The following DYNC1H1 variants were observed in gnomAD, a reference collection of about 807,000 sequenced individuals.
DYNC1H1 encodes the protein cytoplasmic dynein 1 heavy chain 1.
DYNC1H1 carries 51 observed loss-of-function variants against 527.1 expected under a neutral mutation model. The observed-to-expected ratio is 0.10, with a 90% CI of 0.08 to 0.12. The LOEUF is 0.12. Ranked by LOEUF, DYNC1H1 falls within the 10% of genes least tolerant of loss-of-function variation. The pLI is 1.00. For synonymous variants in DYNC1H1, 2,189 were observed against 2,278.8 expected, an observed-to-expected ratio of 0.96 and a Z score of 1.12; for missense variants, 2,771 against 5,971.8, an observed-to-expected ratio of 0.46 and a Z score of 17.66.
rs568024941 is a variant in DYNC1H1, at chr14:102,000,315, A to G, written c.3990A>G (p.Lys1330=). ...CCTTAGAAGAATTACAGGACCTCAA[A>G]GGCGTTTGGTCAGAACTTTCTAAGG... ...QVALEELQDL[K]GVWSELSKVW... is the part of the protein sequence containing the mutation. The change falls in exon 18 of 78, where the codon AAA becomes AAG. Residue 1330 remains lysine, a synonymous_variant. Coordinates refer to ENST00000360184, the MANE Select transcript of DYNC1H1 (RefSeq NM_001376.5). The G allele has an allele frequency of 1.2e-5, 20 of 1,614,178 alleles. No individual in the cohort carries two copies. The South Asian group carries it at 2.1e-4, about 17-fold the overall frequency.
intron 69 of DYNC1H1, 128 bp from the exon 70 acceptor site, chr14:102,043,747 T>G (rs972867455): frequency 7.6e-7 from 1 of 1,309,948 alleles, no homozygotes; most frequent in Non-Finnish European, 1.1e-6. Flanking sequence ...GCAGTACTCA[T>G]GTGAATCTGC....
chr14:101,978,536 T>A (rs574499718), intron 2 of DYNC1H1, among the ~76,000 whole-genome samples: 1 of 152,346 alleles, frequency 6.6e-6, no homozygotes, highest in Admixed American at 6.5e-5. Flanking sequence ...ATTAATTACC[T>A]TGAAGGCATT....
chr14:102,027,332 G>T lies in DYNC1H1; in HGVS notation c.8886+44G>T. On this transcript the variant is annotated intron_variant, in intron 45 of 77. Transcript: ENST00000360184. The surrounding 1 kb of genome is among the most constrained non-coding windows in gnomAD (Gnocchi z 7.7). ...CTCTTAATCCCAGCAACAGATGTGTGTGCAGAGCTCAGTGAGTAGGAATGG... is the reference window on the plus strand; with the variant it reads ...CTCTTAATCCCAGCAACAGATGTGTTTGCAGAGCTCAGTGAGTAGGAATGG... The T allele has an allele frequency of 6.2e-7, 1 of 1,614,142 alleles. No individual in the cohort carries two copies. Among genetic ancestry groups the T allele is most frequent in the African/African-American group, 1.3e-5 (1 of 75,024 alleles).
At position 102,011,457 on chromosome 14, in the gene DYNC1H1, G is replaced by A. The variant is rs561511236; in HGVS notation, c.6619-418G>A. 5 of 346,032 alleles carry A rather than the reference G, an allele frequency of 1.4e-5. No homozygotes were observed. Among genetic ancestry groups the A allele is most frequent in the Admixed American group, 4.2e-5 (1 of 23,846 alleles). 21.4% of individuals were successfully genotyped at this position (346,032 alleles called of 1,614,324 possible). A position where few individuals can be genotyped will look rare whatever the true frequency, so the allele number is the denominator to read the frequency against. On this transcript the variant is annotated intron_variant, in intron 32 of 77. Transcript: ENST00000360184. This position sits in a 1 kb window ranked among gnomAD's most constrained non-coding sequence, Gnocchi z 5.3. ...TGTTGTCCTCGGCGGGATCTGATGT[G>A]TCCTTGTTGAGGCTGCTCATTGGTG...
intron 5 of DYNC1H1, among the ~76,000 whole-genome samples, chr14:101,982,465 G>A (rs868204075): frequency 2.0e-5 from 3 of 152,058 alleles, no homozygotes; most frequent in Non-Finnish European, 2.9e-5. Context: ...GGTGGCAGGC[G>A]CCTGTAGTCC....
rs1180426212 is a variant in DYNC1H1 at position 102,044,144 on chromosome 14, G to A, written c.12684+99G>A. 6.3e-7 allele frequency: 1 copy of A among 1,586,768 alleles called. No individual in the cohort carries two copies. The highest frequency in any genetic ancestry group is 1.1e-5 in the South Asian group (1 of 88,944). The stretch of plus-strand genomic sequence containing the variant: ...GGCCAGACTCTGCGTGGAAGAGCGA[G>A]CTGACCCCTCGTGACCGCCAAAGCC... On this transcript the variant is annotated intron_variant, in intron 70 of 77. Coordinates refer to ENST00000360184, the MANE Select transcript of DYNC1H1 (RefSeq NM_001376.5). The surrounding 1 kb of genome is among the most constrained non-coding windows in gnomAD (Gnocchi z 7.1).
intron 1 of DYNC1H1, among the ~76,000 whole-genome samples, chr14:101,968,542 T>G (rs2047694112): frequency 6.6e-6 from 1 of 152,070 alleles, no homozygotes; most frequent in African/African-American, 2.4e-5. Context: ...CGTGTTTGTT[T>G]GTTTAACACT....
rs779578539 is a variant in DYNC1H1, at chr14:101,997,213, G to A, written c.3743G>A (p.Arg1248Gln). The A allele has an allele frequency of 1.9e-6, 3 of 1,613,942 alleles. No individual in the cohort carries two copies. Among genetic ancestry groups the A allele is most frequent in the East Asian group, 2.2e-5 (1 of 44,860 alleles). The change falls in exon 16 of 78, where the codon CGG becomes CAG. Residue 1248 changes from arginine (R) to glutamine (Q), a missense_variant. Around this residue, in one of 32 missense-constraint regions of DYNC1H1, gnomAD observed 223 missense variants for 462.5 expected, o/e 0.48. Coordinates refer to ENST00000360184, the MANE Select transcript of DYNC1H1 (RefSeq NM_001376.5). The surrounding 1 kb of genome is among the most constrained non-coding windows in gnomAD (Gnocchi z 4.8). ...NLQMKIVQEDRAVESRTTDLL... is the reference protein window; with the variant it reads ...NLQMKIVQEDQAVESRTTDLL... ...CAAATGAAGATTGTCCAGGAGGATC[G>A]GGCCGTGGAAAGCCGCACCACCGAC...
rs1167512575 is a variant in DYNC1H1, at chr14:102,020,059, A to G, written c.8507+3A>G. 3.1e-6 allele frequency: 5 copies of G among 1,613,982 alleles called. No individual in the cohort carries two copies. In the African/African-American group the frequency reaches 5.3e-5, roughly 17 times the overall value. Reference sequence around the variant, plus strand: ...GCTCTGCGTCTCTTCCAAGATAGGTAAGGGAAGCCGAGGATCCAGTTGGTC... The same window carrying G: ...GCTCTGCGTCTCTTCCAAGATAGGTGAGGGAAGCCGAGGATCCAGTTGGTC... On this transcript the variant is annotated splice_donor_region_variant and intron_variant, in intron 42 of 77. Transcript: ENST00000360184. The surrounding 1 kb of genome is among the most constrained non-coding windows in gnomAD (Gnocchi z 4.3).
chr14:102,016,676 C>T lies in DYNC1H1; in HGVS notation c.7615-90C>T. 1 of 1,547,902 alleles carries T rather than the reference C, an allele frequency of 6.5e-7. No individual in the cohort carries two copies. Among genetic ancestry groups the T allele is most frequent in the Non-Finnish European group, 8.8e-7 (1 of 1,136,428 alleles). ...TAACCTGACCAATTACTTCCTTGTT[C>T]TGAAAGTTCAAGTTTGTGTTCAGGT... On this transcript the variant is annotated intron_variant, in intron 37 of 77. Coordinates refer to ENST00000360184, the MANE Select transcript of DYNC1H1 (RefSeq NM_001376.5). This position sits in a 1 kb window ranked among gnomAD's most constrained non-coding sequence, Gnocchi z 7.3.
intron 2 of DYNC1H1, among the ~76,000 whole-genome samples, chr14:101,977,715 G>A (rs1330058942): frequency 1.3e-5 from 2 of 152,156 alleles, no homozygotes; most frequent in East Asian, 3.9e-4. Flanking sequence ...TACCTTTTGT[G>A]ACACTGACTT....
rs370426843 is a variant in DYNC1H1, at chr14:102,041,971, A to G, written c.12103-42A>G. 8.7e-6 allele frequency: 14 copies of G among 1,601,320 alleles called. No homozygotes were observed. Among genetic ancestry groups the G allele is most frequent in the Non-Finnish European group, 1.1e-5 (13 of 1,168,860 alleles). ...TCCTTTCCCTTGACAGGTACACACTATTTGCTGGCACTGTAATAACTTCTG... is the reference window on the plus strand; with the variant it reads ...TCCTTTCCCTTGACAGGTACACACTGTTTGCTGGCACTGTAATAACTTCTG... On this transcript the variant is annotated intron_variant, in intron 65 of 77. Transcript: ENST00000360184. This position sits in a 1 kb window ranked among gnomAD's most constrained non-coding sequence, Gnocchi z 4.5.
Position 102,039,591 on chromosome 14 carries a change from G to A in DYNC1H1, c.11595+45G>A. ...CGCTCCCTGGCGGGGGGGAAGCAGG[G>A]TGCTGCTTCTCTTATGGAACAACAT... is the stretch of plus-strand genomic sequence containing the variant. On this transcript the variant is annotated intron_variant, in intron 61 of 77. Coordinates refer to ENST00000360184, the MANE Select transcript of DYNC1H1 (RefSeq NM_001376.5). The surrounding 1 kb of genome is among the most constrained non-coding windows in gnomAD (Gnocchi z 7.0). 1 of 1,614,206 alleles carries A rather than the reference G, an allele frequency of 6.2e-7. No homozygotes were observed. Among genetic ancestry groups the A allele is most frequent in the Non-Finnish European group, 8.5e-7 (1 of 1,180,024 alleles).
rs2047646618 is a variant in DYNC1H1 at position 101,964,887 on chromosome 14, C to T, written c.196C>T (p.Arg66Cys). The T allele has an allele frequency of 1.9e-6, 3 of 1,600,066 alleles. No homozygotes were observed. The highest frequency in any genetic ancestry group is 2.6e-6 in the Non-Finnish European group (3 of 1,174,448). Reference protein sequence around the residue: ...LEEKSALEQMRKFLSDPQVHT... With the variant: ...LEEKSALEQMCKFLSDPQVHT... ...GGAGAAGAGCGCCCTGGAGCAGATG[C>T]GCAAGTTCCTTTCGGACCCGCAGGT... The change falls in exon 1 of 78, where the codon CGC (arginine) becomes TGC (cysteine). Residue 66 changes from arginine to cysteine, a missense_variant. Around this residue, in one of 32 missense-constraint regions of DYNC1H1, gnomAD observed 101 missense variants for 105.3 expected, o/e 0.96. Transcript: ENST00000360184. This position sits in a 1 kb window ranked among gnomAD's most constrained non-coding sequence, Gnocchi z 5.5.
chr14:102,034,977 TC>T (rs546782242), intron 56 of DYNC1H1: 148 of 207,546 alleles, frequency 7.1e-4, no homozygotes, highest in African/African-American at 3.1e-3. Flanking sequence ...ACACCTGTAA[TC>T]CCAGCACTTT....
intron 34 of DYNC1H1, 113 bp from the exon 35 acceptor site, chr14:102,014,992 A>G (rs2152581398): frequency 8.0e-7 from 1 of 1,253,516 alleles, no homozygotes; most frequent in African/African-American, 1.5e-5. Flanking sequence ...CTTTCTGTAT[A>G]GGAAAATTAA....
chr14:102,024,889 T>C (rs1595622012), intron 43 of DYNC1H1, among the ~76,000 whole-genome samples: 1 of 150,274 alleles, frequency 6.7e-6, no homozygotes, highest in South Asian at 2.1e-4. Context: ...AGAGATGGGG[T>C]TTCACCGTGT....
Position 102,033,598 on chromosome 14 carries a change from C to A in DYNC1H1, c.10413+114C>A. ...CCTCGGTGAATTCGCTCTTTAACAT[C>A]TGTAAGGCCCCGGAGGACTTTTTTC... On this transcript the variant is annotated intron_variant, in intron 54 of 77. Coordinates refer to ENST00000360184, the MANE Select transcript of DYNC1H1 (RefSeq NM_001376.5). This position sits in a 1 kb window ranked among gnomAD's most constrained non-coding sequence, Gnocchi z 5.6. 1 of 1,378,378 alleles carries A rather than the reference C, an allele frequency of 7.3e-7. No individual in the cohort carries two copies. Among genetic ancestry groups the A allele is most frequent in the Non-Finnish European group, 1.0e-6 (1 of 997,120 alleles). The allele number at this position is 1,378,378 out of a possible 1,614,324, so 85.4% of individuals were successfully genotyped here. A position where few individuals can be genotyped will look rare whatever the true frequency, so the allele number is the denominator to read the frequency against.
chr14:102,025,399 T>G (rs1239457993), intron 43 of DYNC1H1, among the ~76,000 whole-genome samples: 1 of 148,986 alleles, frequency 6.7e-6, no homozygotes, highest in Middle Eastern at 3.2e-3. Context: ...AGGGAGACTC[T>G]GTCTCAAAAA....
Sources: allele counts gnomAD v4.1 joint callset (sites outside exome capture counted in the v4.1 genomes callset), GRCh38; gene constraint gnomAD v4.1.1; regional missense constraint gnomAD v4.1.1; non-coding constraint Gnocchi (gnomAD v3.1); transcripts MANE v1.5; gene names NCBI Gene and HGNC (gene_info 2026-07-23, HGNC 2026-07-21).